GFM1: variants seen among roughly 807,000 people sequenced by gnomAD.
GFM1 encodes the protein G elongation factor mitochondrial 1.
In GFM1, 62 loss-of-function variants were observed where a neutral mutation model predicts 96.2. That is an observed-to-expected ratio of 0.64 (90% CI 0.53 to 0.80). The LOEUF is 0.80. Among genes scored for constraint, GFM1 ranks in the 30% least tolerant of loss-of-function variants. The pLI is 0.00. For synonymous variants in GFM1, 282 were observed against 312.9 expected (o/e 0.90, Z 1.04); for missense variants, 852 against 916.6 (o/e 0.93, Z 0.91).
rs778858375 is a variant in GFM1 at position 158,649,081 on chromosome 3, A to G, written c.613A>G (p.Met205Val). ...TAATGCAGCGTTTATGCAGATACCC[A>G]TGGGTTTGGAGGGTAATTTTAAAGG... is the stretch of plus-strand genomic sequence containing the variant. ...NHNAAFMQIP[M>V]GLEGNFKGIV... The change falls in exon 5 of 18, where the codon ATG (methionine) becomes GTG (valine). Residue 205 changes from methionine to valine, a missense_variant. Physicochemically the swap from Met to Val is conservative, Grantham distance 21. Transcript: ENST00000486715. 6 of 1,570,484 alleles carry G rather than the reference A, an allele frequency of 3.8e-6. No homozygotes were observed. Among genetic ancestry groups the G allele is most frequent in the Non-Finnish European group, 4.4e-6 (5 of 1,140,634 alleles).
In GFM1 at chr3:158,652,230, C is replaced by A. The variant is rs759365696; in HGVS notation, c.824C>A (p.Ser275Ter). ...ATGTTTCTGGAAGAAAAAATCCCCT[C>A]GATTTCTGATTTAAAGGCAAGTGCT... Reference protein sequence around the residue: ...GEMFLEEKIPSISDLKLAIRR... With the variant: ...GEMFLEEKIP Residue 275 changes from serine to a stop codon, truncating the protein, a stop_gained, in exon 6 of 18, where the codon TCG (serine) becomes TAG (stop). Coordinates refer to ENST00000486715, the MANE Select transcript of GFM1 (RefSeq NM_024996.7). LOFTEE classifies it high-confidence loss of function. The A allele has an allele frequency of 6.2e-7, 1 of 1,613,834 alleles. No individual in the cohort carries two copies. The highest frequency in any genetic ancestry group is 8.5e-7 in the Non-Finnish European group (1 of 1,179,944).
chr3:158,672,599 TTCAG>T (rs1724455229), intron 13 of GFM1: 2 of 1,234,058 alleles, frequency 1.6e-6, no homozygotes, highest in Non-Finnish European at 2.3e-6. Context: ...CGCAAGCTCC[TTCAG>T]TCAGTCTTCT....
At position 158,695,071 on chromosome 3, in the gene GFM1, G is replaced by A. The variant is rs1369620677; in HGVS notation, c.*3604G>A. On this transcript the variant is annotated 3_prime_UTR_variant, in exon 18 of 18. Coordinates refer to ENST00000486715, the MANE Select transcript of GFM1 (RefSeq NM_024996.7). ...AATTAAGTTAACAATTTTAGAGTTT[G>A]TGCTAGAAAAGATATTCTGAGGCCG... Among the ~76,000 whole-genome samples the A allele has an allele frequency of 6.6e-6, 1 of 152,222 alleles. No homozygotes were observed. The highest frequency in any genetic ancestry group is 1.5e-5 in the Non-Finnish European group (1 of 68,030).
At position 158,694,830 on chromosome 3, in the gene GFM1, T is replaced by C. The variant is rs189962469; in HGVS notation, c.*3363T>C. Reference sequence around the variant, plus strand: ...AAATGAAAGTATGAATAAAATAAAATGGAATGTAGACAAAATCCCTGGTAT... The same window carrying C: ...AAATGAAAGTATGAATAAAATAAAACGGAATGTAGACAAAATCCCTGGTAT... On this transcript the variant is annotated 3_prime_UTR_variant, in exon 18 of 18. Coordinates refer to ENST00000486715, the MANE Select transcript of GFM1 (RefSeq NM_024996.7). Among the ~76,000 whole-genome samples, 42 of 152,218 alleles carry C rather than the reference T, an allele frequency of 2.8e-4. No individual in the cohort carries two copies. Among genetic ancestry groups the C allele is most frequent in the Non-Finnish European group, 5.6e-4 (38 of 67,996 alleles).
At position 158,662,768 on chromosome 3, in the gene GFM1, T is replaced by G; in HGVS notation, c.1380+84T>G. On this transcript the variant is annotated intron_variant, in intron 11 of 17. Coordinates refer to ENST00000486715, the MANE Select transcript of GFM1 (RefSeq NM_024996.7). ...TATCTCTACAATGCACTTGATATCT[T>G]GTAATAACCAGCAGTCTTATGGTCT... 8 of 833,408 alleles carry G rather than the reference T, an allele frequency of 9.6e-6. No homozygotes were observed. In the South Asian group the frequency reaches 1.1e-4, roughly 11 times the overall value. 51.6% of individuals were successfully genotyped at this position (833,408 alleles called of 1,614,324 possible).
At chr3:158,663,759 G>A (rs1723381456) in intron 11 of GFM1, among the ~76,000 whole-genome samples, 2 of 152,166 alleles carry the variant, frequency 1.3e-5, no homozygotes, top group Admixed American at 1.3e-4. Context: ...GCATTTAACT[G>A]TTGATAATTT....
At chr3:158,665,547 A>C (rs1383763484) in intron 12 of GFM1, 73 bp downstream of exon 12, 18 of 1,347,282 alleles carry the variant, frequency 1.3e-5, no homozygotes, top group Non-Finnish European at 1.8e-5. Context: ...AATAATTCTC[A>C]ATCTAATGTC....
chr3:158,654,597 C>G lies in GFM1; in HGVS notation c.1049C>G (p.Ser350Cys). Reference protein sequence around the residue: ...KILMNSSRDNSHPFVGLAFKL... With the variant: ...KILMNSSRDNCHPFVGLAFKL... ...CTAATGAACTCCAGTAGAGACAATTCCCACCCATTTGTAGGCCTGGCTTTT... is the reference window on the plus strand; with the variant it reads ...CTAATGAACTCCAGTAGAGACAATTGCCACCCATTTGTAGGCCTGGCTTTT... The change falls in exon 8 of 18, where the codon TCC becomes TGC. Residue 350 changes from serine (S) to cysteine (C), a missense_variant. By Grantham distance (112) the Ser-to-Cys change is moderately radical. Coordinates refer to ENST00000486715, the MANE Select transcript of GFM1 (RefSeq NM_024996.7). 1 of 1,612,922 alleles carries G rather than the reference C, an allele frequency of 6.2e-7. No individual in the cohort carries two copies. The highest frequency in any genetic ancestry group is 8.5e-7 in the Non-Finnish European group (1 of 1,179,040).
intron 2 of GFM1, 109 bp downstream of exon 2, chr3:158,645,890 C>T (rs1267303486): frequency 4.6e-6 from 5 of 1,084,196 alleles, no homozygotes; most frequent in Non-Finnish European, 7.1e-6. Flanking sequence ...ATGGTAACAG[C>T]GGACTTTTGA....
chr3:158,648,912 C>G (rs1278513794), intron 4 of GFM1, 129 bp from the exon 5 acceptor site: 2 of 672,534 alleles, frequency 3.0e-6, no homozygotes, highest in Admixed American at 1.9e-5. Context: ...ATTTTCTGTT[C>G]TGACCTGATG....
chr3:158,682,362 T>C (rs776068607), intron 14 of GFM1: 103 of 549,224 alleles, frequency 1.9e-4, no homozygotes, highest in Non-Finnish European at 3.0e-4. Flanking sequence ...GTGACAATGA[T>C]GGGAAATTAT....
At chr3:158,646,403 G>T in intron 3 of GFM1, 106 bp downstream of exon 3, 1 of 1,163,882 alleles carries the variant, frequency 8.6e-7, no homozygotes, top group Non-Finnish European at 1.3e-6. Flanking sequence ...ACTCAAAAGT[G>T]TAACACTGAA....
intron 13 of GFM1, among the ~76,000 whole-genome samples, chr3:158,678,889 C>G (rs1173989012): frequency 6.6e-6 from 1 of 152,222 alleles, no homozygotes; most frequent in Non-Finnish European, 1.5e-5. Flanking sequence ...TGTCATGTGA[C>G]TGGGTGAAGT....
At chr3:158,645,101 T>G (rs1721655583) in intron 1 of GFM1, among the ~76,000 whole-genome samples, 1 of 151,346 alleles carries the variant, frequency 6.6e-6, no homozygotes, top group South Asian at 2.1e-4. Flanking sequence ...CCCCATCCCC[T>G]GCCACCAGAG....
chr3:158,690,532 A>C (rs1331712000), intron 16 of GFM1: 4 of 564,888 alleles, frequency 7.1e-6, no homozygotes, highest in Non-Finnish European at 1.3e-5. Flanking sequence ...TGAATGTGTC[A>C]TTTTCTTAGA....
rs1192278262 is a variant in GFM1, at chr3:158,684,567, A to G, written c.1808A>G (p.Lys603Arg). Residue 603 changes from lysine to arginine, a missense_variant, in exon 15 of 18, where the codon AAG (lysine) becomes AGG (arginine). By Grantham distance (26) the Lys-to-Arg change is conservative. Transcript: ENST00000486715. ...GAGAAGGGCCCTCTTTCTGGTCACA[A>G]GCTCTCTGGGCTCCGGTTTGTCCTG... The part of the protein sequence containing the change: ...ACEKGPLSGH[K>R]LSGLRFVLQD... The G allele has an allele frequency of 6.2e-7, 1 of 1,613,986 alleles. No individual in the cohort carries two copies. The highest frequency in any genetic ancestry group is 8.5e-7 in the Non-Finnish European group (1 of 1,179,986).
intron 13 of GFM1, chr3:158,668,907 T>C: frequency 8.4e-7 from 1 of 1,192,912 alleles, no homozygotes; most frequent in Non-Finnish European, 1.2e-6. Context: ...ACAAAATGAC[T>C]ATAGGAATAC....
At chr3:158,678,803 C>T (rs562348046) in intron 13 of GFM1, among the ~76,000 whole-genome samples, 31 of 152,286 alleles carry the variant, frequency 2.0e-4, no homozygotes, top group Non-Finnish European at 3.4e-4. Flanking sequence ...TATCAAACAG[C>T]GTCACATACA....
Position 158,658,968 on chromosome 3 carries a change from A to C in GFM1, c.1130A>C (p.Glu377Ala), listed in dbSNP as rs1722980305. Residue 377 changes from glutamate (E) to alanine (A), a missense_variant, in exon 9 of 18, where the codon GAG (glutamate) becomes GCG (alanine). Transcript: ENST00000486715. ...ACTTATGTTCGCAGTTATCAGGGAGAGCTAAAGAAGGGTGACACCATCTAT... is the reference window on the plus strand; with the variant it reads ...ACTTATGTTCGCAGTTATCAGGGAGCGCTAAAGAAGGGTGACACCATCTAT... ...QLTYVRSYQGELKKGDTIYNT... is the reference protein window; with the variant it reads ...QLTYVRSYQGALKKGDTIYNT... 1 of 1,614,100 alleles carries C rather than the reference A, an allele frequency of 6.2e-7. No homozygotes were observed. The highest frequency in any genetic ancestry group is 8.5e-7 in the Non-Finnish European group (1 of 1,180,002).
Sources: allele counts gnomAD v4.1 joint callset (sites outside exome capture counted in the v4.1 genomes callset), GRCh38; gene constraint gnomAD v4.1.1; transcripts MANE v1.5; gene names NCBI Gene and HGNC (gene_info 2026-07-23, HGNC 2026-07-21).